The following MYRFL variants were observed in gnomAD, a reference collection of about 807,000 sequenced individuals.
MYRFL encodes the protein myelin regulatory factor like.
In MYRFL, 88 loss-of-function variants were observed where a neutral mutation model predicts 109.4. The ratio of observed to expected loss-of-function variants is 0.80; its 90% confidence interval spans 0.68 to 0.96. The LOEUF (loss-of-function observed/expected upper bound fraction) is 0.96. Ranked by LOEUF, MYRFL falls within the 40% of genes least tolerant of loss-of-function variation. The pLI is 0.00. For synonymous variants in MYRFL, 324 were observed against 320.9 expected, an observed-to-expected ratio of 1.01 and a Z score of -0.10; for missense variants, 957 against 954.9, an observed-to-expected ratio of 1.00 and a Z score of -0.03.
chr12:69,866,772 C>T (rs1355195089), intron 2 of MYRFL, among the ~76,000 whole-genome samples: 4 of 152,090 alleles, frequency 2.6e-5, no homozygotes, highest in Non-Finnish European at 5.9e-5. Flanking sequence ...GCATTATTGG[C>T]CTTATGAAAA....
chr12:69,913,890 G>C (rs1183907635), intron 13 of MYRFL, among the ~76,000 whole-genome samples: 1 of 152,178 alleles, frequency 6.6e-6, no homozygotes, highest in East Asian at 1.9e-4. Flanking sequence ...ACTTTGGGTA[G>C]TGTTGACATT....
chr12:69,958,418 CT>C (rs35912210), intron 24 of MYRFL, 26 bp from the exon 25 acceptor site: 183,869 of 1,132,864 alleles, frequency 0.16, 11,491 homozygotes, highest in East Asian at 0.51. Flanking sequence ...ATTAATCTTC[CT>C]TTTTTTTTTT....
chr12:69,869,696 A>T (rs777691431), intron 2 of MYRFL, among the ~76,000 whole-genome samples: 3 of 152,166 alleles, frequency 2.0e-5, no homozygotes, highest in Non-Finnish European at 4.4e-5. Context: ...GCACCGAGGG[A>T]TTCATTGGAG....
chr12:69,940,035 A>G (rs1333098828), intron 19 of MYRFL, among the ~76,000 whole-genome samples: 1 of 151,168 alleles, frequency 6.6e-6, no homozygotes. Flanking sequence ...AAAGCCTCCA[A>G]GAAATATGGG....
Position 69,855,325 on chromosome 12 carries a change from G to T in MYRFL, c.92G>T (p.Ser31Ile). Residue 31 changes from serine (S) to isoleucine (I), a missense_variant, in exon 2 of 25, where the codon AGT becomes ATT. Coordinates refer to ENST00000552032, the MANE Select transcript of MYRFL (RefSeq NM_182530.3). ...GTLENPALDT[S>I]LLEEFLGNDF... The stretch of plus-strand genomic sequence containing the variant: ...CTGGAGAACCCAGCCCTGGACACAA[G>T]TCTGTTGGAGGAATTTCTGGGCAAT... The T allele has an allele frequency of 1.4e-6, 1 of 702,742 alleles. No homozygotes were observed. The highest frequency in any genetic ancestry group is 2.6e-6 in the Non-Finnish European group (1 of 384,794). 43.5% of individuals were successfully genotyped at this position (702,742 alleles called of 1,614,324 possible). A position where few individuals can be genotyped will look rare whatever the true frequency, so the allele number is the denominator to read the frequency against.
At chr12:69,827,819 C>G (rs1882379166) in intron 1 of MYRFL, among the ~76,000 whole-genome samples, 1 of 151,904 alleles carries the variant, frequency 6.6e-6, no homozygotes, top group South Asian at 2.1e-4. Flanking sequence ...ATATAGATAA[C>G]TTTCTATAGC....
chr12:69,881,570 G>C (rs1045330960), intron 5 of MYRFL, among the ~76,000 whole-genome samples: 13 of 152,230 alleles, frequency 8.5e-5, no homozygotes, highest in African/African-American at 2.7e-4. Flanking sequence ...TTTGGCGTCA[G>C]CTCCAGCGTG....
At chr12:69,860,924 A>T (rs1394122456) in intron 2 of MYRFL, among the ~76,000 whole-genome samples, 8 of 124,010 alleles carry the variant, frequency 6.5e-5, no homozygotes, top group African/African-American at 2.5e-4. Flanking sequence ...CAGTCCCCAG[A>T]GTGTGATGTT....
At chr12:69,928,709 C>A (rs1955176928) in intron 15 of MYRFL, among the ~76,000 whole-genome samples, 1 of 152,246 alleles carries the variant, frequency 6.6e-6, no homozygotes, top group Non-Finnish European at 1.5e-5. Flanking sequence ...GAAATAGGGA[C>A]AATTATAGTA....
intron 1 of MYRFL, among the ~76,000 whole-genome samples, chr12:69,850,699 ATTAC>A (rs1401984656): frequency 6.6e-6 from 1 of 152,010 alleles, no homozygotes; most frequent in Non-Finnish European, 1.5e-5. Flanking sequence ...GTCAGGGTTT[ATTAC>A]TTTTCCATTT....
chr12:69,842,447 C>A (rs10879026), intron 1 of MYRFL, among the ~76,000 whole-genome samples: 7,649 of 133,510 alleles, frequency 0.057, 280 homozygotes, highest in East Asian at 0.11. Context: ...TAATATTCTA[C>A]ATCCTGTTCT....
intron 19 of MYRFL, among the ~76,000 whole-genome samples, chr12:69,947,752 A>G (rs7953643): frequency 0.035 from 5,287 of 152,244 alleles, 317 homozygotes; most frequent in African/African-American, 0.12. Flanking sequence ...ATGGTCCCCC[A>G]TTTTAAAGAA....
At chr12:69,848,924 T>G (rs1002245758) in intron 1 of MYRFL, among the ~76,000 whole-genome samples, 2 of 152,224 alleles carry the variant, frequency 1.3e-5, no homozygotes, top group African/African-American at 4.8e-5. Flanking sequence ...CAGGCTGGAG[T>G]GCAGTGCTGT....
At chr12:69,872,154 G>T (rs1034347612) in intron 2 of MYRFL, among the ~76,000 whole-genome samples, 1 of 151,894 alleles carries the variant, frequency 6.6e-6, no homozygotes, top group Non-Finnish European at 1.5e-5. Flanking sequence ...TTTGTCTGTG[G>T]TGGTACTCTT....
intron 11 of MYRFL, chr12:69,904,561 C>T (rs1015196304): frequency 2.6e-5 from 4 of 152,396 alleles, no homozygotes; most frequent in African/African-American, 9.7e-5. Flanking sequence ...TGGTGCCTGC[C>T]TGCCTGCCTG....
chr12:69,851,718 G>A (rs1479347684), intron 1 of MYRFL, among the ~76,000 whole-genome samples: 1 of 152,154 alleles, frequency 6.6e-6, no homozygotes, highest in East Asian at 1.9e-4. Context: ...AAGTGCAGTG[G>A]TGCGATCATG....
intron 9 of MYRFL, among the ~76,000 whole-genome samples, chr12:69,895,698 T>A (rs1179463909): frequency 1.3e-5 from 2 of 152,202 alleles, no homozygotes; most frequent in Non-Finnish European, 2.9e-5. Context: ...ATGCCCACTT[T>A]CCTGCCCTGC....
At chr12:69,863,737 TG>T (rs1357186018) in intron 2 of MYRFL, among the ~76,000 whole-genome samples, 1 of 152,230 alleles carries the variant, frequency 6.6e-6, no homozygotes, top group Non-Finnish European at 1.5e-5. Flanking sequence ...TTCCCATTTT[TG>T]TTGGTCTTCT....
At chr12:69,903,031 G>A (rs10879049) in intron 10 of MYRFL, among the ~76,000 whole-genome samples, 55,048 of 152,032 alleles carry the variant, frequency 0.36, 10,843 homozygotes, top group African/African-American at 0.52. Context: ...ACAATAGTAC[G>A]TGTCTCATAT....
Sources: gnomAD v4.1 joint callset for allele counts (sites outside exome capture counted in the v4.1 genomes callset) on GRCh38, gnomAD v4.1.1 for gene constraint, MANE v1.5 for transcripts, NCBI Gene and HGNC (gene_info 2026-07-23, HGNC 2026-07-21) for gene names.